Variants in SHROOM2 observed in about 807,000 individuals in gnomAD.
The protein encoded by SHROOM2 is shroom family member 2, also known as protein Shroom2.
Under a neutral mutation model 75.9 loss-of-function variants are expected in SHROOM2, and 33 were observed. The ratio of observed to expected loss-of-function variants is 0.43; its 90% CI spans 0.33 to 0.58. SHROOM2 has a LOEUF of 0.58. Among genes scored for constraint, SHROOM2 ranks in the 20% least tolerant of loss-of-function variants. SHROOM2 has a pLI of 0.04. For missense variants in SHROOM2, 1,434 were observed against 1,461.2 expected, an observed-to-expected ratio of 0.98 and a Z score of 0.30; for synonymous variants, 655 against 663.6, an observed-to-expected ratio of 0.99 and a Z score of 0.20.
chrX:9,791,240 T>C lies in SHROOM2; in HGVS notation c.165+4530T>C, dbSNP rs149141336. ...AGTAGCAGTTTTCACCTTGTCCTAA[T>C]GAGCTGGGGGTTTCTTAATCTACCT... is the stretch of plus-strand genomic sequence containing the variant. On this transcript the variant is annotated intron_variant, in intron 1 of 9. Coordinates refer to ENST00000380913, the MANE Select transcript of SHROOM2 (RefSeq NM_001649.4). Among the ~76,000 whole-genome samples the C allele has an allele frequency of 6.3e-5, 7 of 111,898 alleles. No individual in the cohort carries two copies. In the East Asian group the frequency reaches 1.9e-3, roughly 31 times the overall value.
intron 5 of SHROOM2, among the ~76,000 whole-genome samples, chrX:9,909,820 A>G (rs1239449103): frequency 8.9e-6 from 1 of 112,510 alleles, no homozygotes; most frequent in African/African-American, 3.2e-5. Flanking sequence ...TATATGATTT[A>G]TAAACAGCAG....
intron 5 of SHROOM2, among the ~76,000 whole-genome samples, chrX:9,923,102 G>A (rs1213296084): frequency 9.0e-6 from 1 of 111,642 alleles, no homozygotes; most frequent in Admixed American, 9.5e-5. Context: ...ATGTGTGTGG[G>A]GAGTCTGATG....
In SHROOM2 at chrX:9,946,988, C is replaced by T. The variant is rs750473786; in HGVS notation, c.*51C>T. On this transcript the variant is annotated 3_prime_UTR_variant, in exon 10 of 10. Coordinates refer to ENST00000380913, the MANE Select transcript of SHROOM2 (RefSeq NM_001649.4). ...GCACGGGGCCTCCGAGCTCCAGCTC[C>T]GTTCCCAAGGATACTCGTGAAGACC... The T allele has an allele frequency of 3.6e-6, 4 of 1,111,894 alleles. No individual in the cohort carries two copies. Among genetic ancestry groups the T allele is most frequent in the Admixed American group, 2.8e-5 (1 of 35,564 alleles). The allele number at this position is 1,111,894 out of a possible 1,213,427, so 91.6% of individuals were successfully genotyped here. A position where few individuals can be genotyped will look rare whatever the true frequency, so the allele number is the denominator to read the frequency against.
intron 1 of SHROOM2, among the ~76,000 whole-genome samples, chrX:9,821,778 G>C (rs906379837): frequency 1.7e-4 from 19 of 111,932 alleles, no homozygotes; most frequent in Admixed American, 5.7e-4. Flanking sequence ...TACCGGGGCG[G>C]AGTGCAGAGG....
intron 2 of SHROOM2, among the ~76,000 whole-genome samples, chrX:9,888,236 G>GTTCCTCAGTCT (rs111585383): frequency 0.21 from 23,702 of 110,836 alleles, 2,483 homozygotes; most frequent in East Asian, 0.46. Flanking sequence ...TGCTGGCTGG[G>GTTCCTCAGTCT]TTCCTCAGTC....
intron 9 of SHROOM2, 37 bp from the exon 10 acceptor site, chrX:9,946,634 A>C (rs766321623): frequency 1.2e-5 from 14 of 1,183,674 alleles, no homozygotes; most frequent in Admixed American, 9.3e-5. Context: ...CCCAGCTTTC[A>C]TCCTGGTCCT....
intron 2 of SHROOM2, among the ~76,000 whole-genome samples, chrX:9,886,967 T>C (rs1463475628): frequency 8.9e-6 from 1 of 112,513 alleles, no homozygotes; most frequent in African/African-American, 3.2e-5. Flanking sequence ...GATATTATTA[T>C]TACAATTTTG....
At chrX:9,915,608 T>C (rs2084483154) in intron 5 of SHROOM2, among the ~76,000 whole-genome samples, 1 of 112,133 alleles carries the variant, frequency 8.9e-6, no homozygotes, top group Non-Finnish European at 1.9e-5. Context: ...TTAAATGTAC[T>C]TGGAGGCCAT....
At chrX:9,850,148 G>A (rs771335842) in intron 1 of SHROOM2, among the ~76,000 whole-genome samples, 2 of 112,030 alleles carry the variant, frequency 1.8e-5, no homozygotes, top group Non-Finnish European at 3.8e-5. Flanking sequence ...GCTGGGCTGC[G>A]TGGCAGCTCT....
Position 9,937,350 on chromosome X carries a change from T to C in SHROOM2, c.3804T>C (p.Ala1268=). 8.3e-7 allele frequency: 1 copy of C among 1,204,426 alleles called. No individual in the cohort carries two copies. Among genetic ancestry groups the C allele is most frequent in the South Asian group, 1.8e-5 (1 of 55,890 alleles). ...TCTGTCTGTACACGCGGCAGGGTGC[T>C]GAGCCCGAGGCCCCACATAGGGCCC... ...SRFCLYTRQG[A]EPEAPHRAQP... The change falls in exon 7 of 10, where the codon GCT becomes GCC. Residue 1268 remains alanine (A), a synonymous_variant. Coordinates refer to ENST00000380913, the MANE Select transcript of SHROOM2 (RefSeq NM_001649.4).
At chrX:9,922,262 T>A (rs1450785733) in intron 5 of SHROOM2, among the ~76,000 whole-genome samples, 1 of 111,710 alleles carries the variant, frequency 9.0e-6, no homozygotes, top group East Asian at 2.8e-4. Context: ...TCTTGCTATG[T>A]TGCCCAGGCT....
rs1181419627 is a variant in SHROOM2, at chrX:9,946,671, C to T, written c.4585C>T (p.Gln1529Ter). The change falls in exon 10 of 10, where the codon CAA becomes TAA. Residue 1529 changes from glutamine to a stop codon, truncating the protein, a stop_gained and splice_region_variant. Coordinates refer to ENST00000380913, the MANE Select transcript of SHROOM2 (RefSeq NM_001649.4). LOFTEE classifies it low-confidence loss of function (END_TRUNC). Reference sequence around the variant, plus strand: ...AACAGGCTTGTTTGTCTGTCAACAGCAATCACTGCTTGAGAAGCAGAGAGT... The same window carrying T: ...AACAGGCTTGTTTGTCTGTCAACAGTAATCACTGCTTGAGAAGCAGAGAGT... The part of the protein sequence containing the change: ...LDDGASPGDR[Q>*]SLLEKQRVLI... The T allele has an allele frequency of 1.7e-6, 2 of 1,205,081 alleles. No individual in the cohort carries two copies. The highest frequency in any genetic ancestry group is 2.2e-5 in the Admixed American group (1 of 45,363).
chrX:9,895,342 G>T lies in SHROOM2; in HGVS notation c.1434G>T (p.Arg478=), dbSNP rs977483253. The T allele has an allele frequency of 3.4e-6, 4 of 1,177,600 alleles. No individual in the cohort carries two copies. In the African/African-American group the frequency reaches 5.3e-5, roughly 16 times the overall value. ...QKLGSGWQGP[R]PCVQGDLQAA... ...TGGGGAGCGGCTGGCAGGGTCCCCG[G>T]CCCTGTGTGCAGGGAGACCTGCAAG... Residue 478 remains arginine (R), a synonymous_variant, in exon 4 of 10, where the codon CGG becomes CGT. Transcript: ENST00000380913.
At chrX:9,793,100 A>G (rs1328518329) in intron 1 of SHROOM2, among the ~76,000 whole-genome samples, 2 of 111,575 alleles carry the variant, frequency 1.8e-5, no homozygotes, top group African/African-American at 6.5e-5. Context: ...AAGGGTGCTT[A>G]TATGCTACTG....
chrX:9,893,192 T>C (rs2084303849), intron 3 of SHROOM2, among the ~76,000 whole-genome samples: 1 of 111,525 alleles, frequency 9.0e-6, no homozygotes, highest in Non-Finnish European at 1.9e-5. Flanking sequence ...AGCCTCAACC[T>C]CCCAGGCTCA....
intron 1 of SHROOM2, among the ~76,000 whole-genome samples, chrX:9,817,981 CA>C (rs1483134532): frequency 8.9e-6 from 1 of 111,798 alleles, no homozygotes; most frequent in Non-Finnish European, 1.9e-5. Flanking sequence ...AAATGTGATC[CA>C]AATGTGTCCA....
rs16985780 is a variant in SHROOM2, at chrX:9,898,225, C to A, written c.2826C>A (p.Asp942Glu). 2.9e-3 allele frequency: 3,408 copies of A among 1,185,945 alleles called. 67 individuals carry two copies. In the African/African-American group the frequency reaches 0.051, roughly 18 times the overall value. ...TCGAACTGCGAAGGCAGGCAGGGGA[C>A]CCCGGCGAGCCCAGAGAAGAGCTTC... ...ASVELRRQAGDPGEPREELPS... is the reference protein window; with the variant it reads ...ASVELRRQAGEPGEPREELPS... Residue 942 changes from aspartate to glutamate, a missense_variant, in exon 5 of 10, where the codon GAC becomes GAA. Asp to Glu is a conservative substitution (Grantham distance 45). Coordinates refer to ENST00000380913, the MANE Select transcript of SHROOM2 (RefSeq NM_001649.4).
chrX:9,792,161 A>AAT lies in SHROOM2; in HGVS notation c.165+5451_165+5452insAT, dbSNP rs1491434689. On this transcript the variant is annotated intron_variant, in intron 1 of 9. Coordinates refer to ENST00000380913, the MANE Select transcript of SHROOM2 (RefSeq NM_001649.4). Reference sequence around the variant, plus strand: ...GAATAGAATAGAATAGAATAGAATAATCACCAGTATCTGATACAGGGAGGG... The same window carrying AAT: ...GAATAGAATAGAATAGAATAGAATAAATTCACCAGTATCTGATACAGGGAGGG... 5.7e-4 allele frequency among the ~76,000 whole-genome samples: 57 copies of AAT among 99,803 alleles called. 9 individuals carry two copies. The highest frequency in any genetic ancestry group is 2.0e-4 in the Non-Finnish European group (10 of 49,151). 86.7% of individuals were successfully genotyped at this position (99,803 alleles called of 115,157 possible). A position where few individuals can be genotyped will look rare whatever the true frequency, so the allele number is the denominator to read the frequency against.
Position 9,823,020 on chromosome X carries a change from TCTCCTTCTCCTCCTCCTC to T in SHROOM2, c.165+36316_165+36333del, listed in dbSNP as rs1346958005. Among the ~76,000 whole-genome samples the T allele has an allele frequency of 5.2e-3, 294 of 56,732 alleles. 15 individuals are homozygous for T. The highest frequency in any genetic ancestry group is 0.019 in the African/African-American group (281 of 14,839). The allele number at this position is 56,732 out of a possible 115,157, so 49.3% of individuals were successfully genotyped here. A position where few individuals can be genotyped will look rare whatever the true frequency, so the allele number is the denominator to read the frequency against. On this transcript the variant is annotated intron_variant, in intron 1 of 9. Coordinates refer to ENST00000380913, the MANE Select transcript of SHROOM2 (RefSeq NM_001649.4). The stretch of plus-strand genomic sequence containing the variant: ...TTCTTCTTCTTCTTCTTCTTCTCCT[TCTCCTTCTCCTCCTCCTC>T]CTCCTCCTCCTCCTCCTCCTCCTCC...
Sources: allele counts gnomAD v4.1 joint callset (sites outside exome capture counted in the v4.1 genomes callset), GRCh38; gene constraint gnomAD v4.1.1; transcripts MANE v1.5; gene names NCBI Gene and HGNC (gene_info 2026-07-23, HGNC 2026-07-21).